Variants in SSPN observed in about 807,000 individuals in gnomAD.
SSPN encodes the protein sarcospan.
SSPN carries 15 observed loss-of-function variants against 19.1 expected under a neutral mutation model. The observed-to-expected ratio is 0.78, with a 90% CI of 0.52 to 1.21. The LOEUF (loss-of-function observed/expected upper bound fraction) is 1.21. Ranked by LOEUF, SSPN falls within the 50% of genes most tolerant of loss-of-function variation. SSPN has a pLI of 0.00. For synonymous variants in SSPN, 147 were observed against 140.3 expected (o/e 1.05, Z -0.34); for missense variants, 291 against 314.0 (o/e 0.93, Z 0.55).
At chr12:26,215,293 G>T (rs1437873051) in intron 1 of SSPN, among the ~76,000 whole-genome samples, 1 of 152,200 alleles carries the variant, frequency 6.6e-6, no homozygotes, top group Admixed American at 6.5e-5. Flanking sequence ...TTTCTCCTTG[G>T]CACTCTCCTC....
chr12:26,148,431 C>T (rs999567231), intron 1 of SSPN, among the ~76,000 whole-genome samples: 1 of 152,184 alleles, frequency 6.6e-6, no homozygotes, highest in Admixed American at 6.5e-5. Context: ...TGCTTTAGAA[C>T]TGAATTTTTG....
intron 1 of SSPN, among the ~76,000 whole-genome samples, chr12:26,210,325 G>A (rs1944971975): frequency 6.6e-6 from 1 of 152,032 alleles, no homozygotes; most frequent in African/African-American, 2.4e-5. Flanking sequence ...CACCTAACAA[G>A]TTAATTTCTT....
intron 1 of SSPN, among the ~76,000 whole-genome samples, chr12:26,130,119 C>A (rs535526728): frequency 6.6e-6 from 1 of 152,272 alleles, no homozygotes; most frequent in African/African-American, 2.4e-5. Flanking sequence ...CCATTAAGGA[C>A]TTTCACAAAG....
chr12:26,217,109 A>T (rs1214623904), intron 1 of SSPN, among the ~76,000 whole-genome samples: 121 of 130,020 alleles, frequency 9.3e-4, no homozygotes, highest in East Asian at 3.1e-3. Context: ...CAATTCTGTG[A>T]AGAAAGGCAT....
intron 1 of SSPN, among the ~76,000 whole-genome samples, chr12:26,179,164 G>C (rs1379537803): frequency 2.0e-5 from 3 of 152,176 alleles, no homozygotes; most frequent in East Asian, 3.8e-4. Context: ...GGAACACTGG[G>C]ACGGGAAGAG....
At chr12:26,122,032 C>T (rs368925183) in exon 1 of SSPN, 1 of 1,548,224 alleles carries the variant, frequency 6.5e-7, no homozygotes, top group Admixed American at 2.0e-5. Context: ...ACTTCTCACT[C>T]TGCTTGAACC....
At chr12:26,205,957 T>C (rs935687698) in intron 1 of SSPN, among the ~76,000 whole-genome samples, 2 of 152,168 alleles carry the variant, frequency 1.3e-5, no homozygotes, top group Non-Finnish European at 2.9e-5. Flanking sequence ...TTAAAGGGCT[T>C]CGGTGTGCAT....
Position 26,124,271 on chromosome 12 carries a change from CCAT to C in SSPN, c.-31+2120_-31+2122del. 4.2e-6 allele frequency: 3 copies of C among 716,360 alleles called. No individual in the cohort carries two copies. The South Asian group carries it at 4.5e-5, about 11-fold the overall frequency. The allele number at this position is 716,360 out of a possible 1,614,324, so 44.4% of individuals were successfully genotyped here. ...CTCGTCTGCCCCCCCCGCCCCCCCA[CCAT>C]AAAACATACTATGTGATAAACTACA... On this transcript the variant is annotated intron_variant, in intron 1 of 2. Transcript: ENST00000538142.
chr12:26,182,581 CCCCTTCCCTTCCCTTCCCTT>C (rs67332101), intron 1 of SSPN, among the ~76,000 whole-genome samples: 1,985 of 100,470 alleles, frequency 0.02, 97 homozygotes, highest in African/African-American at 0.085. Flanking sequence ...CCTTCCCCTT[CCCCTTCCCTTCCCTTCCCTT>C]CCCTTCCCTT....
Position 26,131,611 on chromosome 12 carries a change from G to T in SSPN, c.-31+9459G>T, listed in dbSNP as rs547325592. On this transcript the variant is annotated intron_variant, in intron 1 of 2. Coordinates refer to the SSPN transcript ENST00000538142. Reference sequence around the variant, plus strand: ...GGCTATGCTATCCAGTTGGGTTCTGGAATAAATGAGGGAGGAAAGAAGAGG... The same window carrying T: ...GGCTATGCTATCCAGTTGGGTTCTGTAATAAATGAGGGAGGAAAGAAGAGG... Among the ~76,000 whole-genome samples, 6 of 152,336 alleles carry T rather than the reference G, an allele frequency of 3.9e-5. No individual in the cohort carries two copies. In the South Asian group the frequency reaches 8.3e-4, roughly 21 times the overall value.
intron 1 of SSPN, among the ~76,000 whole-genome samples, chr12:26,151,840 C>T (rs556252209): frequency 2.0e-5 from 3 of 152,174 alleles, no homozygotes; most frequent in African/African-American, 7.2e-5. Flanking sequence ...CCTCATGTGC[C>T]CCTGCGTGGT....
chr12:26,144,572 G>A (rs1040187226), intron 1 of SSPN, among the ~76,000 whole-genome samples: 1 of 152,156 alleles, frequency 6.6e-6, no homozygotes, highest in Non-Finnish European at 1.5e-5. Context: ...CTCAAGAACA[G>A]AGCTCAGTTT....
chr12:26,198,423 T>A (rs950216257), intron 1 of SSPN, among the ~76,000 whole-genome samples: 1 of 152,192 alleles, frequency 6.6e-6, no homozygotes, highest in Non-Finnish European at 1.5e-5. Flanking sequence ...ACTAACAAAA[T>A]CAGAATGATA....
At chr12:26,126,586 G>A (rs1944366835) in intron 1 of SSPN, 3 of 152,224 alleles carry the variant, frequency 2.0e-5, no homozygotes, top group Non-Finnish European at 2.9e-5. Flanking sequence ...CGGCGGCTGG[G>A]AGGAGGTCAC....
At chr12:26,219,338 A>G (rs967211267) in intron 1 of SSPN, among the ~76,000 whole-genome samples, 1 of 152,202 alleles carries the variant, frequency 6.6e-6, no homozygotes, top group African/African-American at 2.4e-5. Flanking sequence ...AAAAAATAAT[A>G]AGCAGGTAAA....
chr12:26,127,994 C>T (rs904052621), intron 1 of SSPN, among the ~76,000 whole-genome samples: 1 of 152,206 alleles, frequency 6.6e-6, no homozygotes, highest in South Asian at 2.1e-4. Context: ...CCACAACCCT[C>T]TAAGGTAGAT....
intron 1 of SSPN, among the ~76,000 whole-genome samples, chr12:26,199,352 T>C (rs1591875780): frequency 6.6e-6 from 1 of 152,344 alleles, no homozygotes; most frequent in Non-Finnish European, 1.5e-5. Context: ...TGAAGTCTTT[T>C]TACTTTGATT....
intron 1 of SSPN, among the ~76,000 whole-genome samples, chr12:26,157,109 G>A (rs1944560504): frequency 2.0e-5 from 3 of 152,164 alleles, no homozygotes; most frequent in Admixed American, 2.0e-4. Context: ...AACAACTCTG[G>A]TCTCCAGATG....
intron 1 of SSPN, among the ~76,000 whole-genome samples, chr12:26,207,827 CA>C (rs956625382): frequency 1.3e-5 from 2 of 151,996 alleles, no homozygotes; most frequent in Non-Finnish European, 1.5e-5. Flanking sequence ...CCCGTCTCTA[CA>C]AAAAATACTT....
Sources: gnomAD v4.1 joint callset for allele counts (sites outside exome capture counted in the v4.1 genomes callset) on GRCh38, gnomAD v4.1.1 for gene constraint, MANE v1.5 for transcripts, NCBI Gene and HGNC (gene_info 2026-07-23, HGNC 2026-07-21) for gene names.